Variants in SDK1 observed in about 807,000 individuals in gnomAD.
SDK1 encodes the protein sidekick cell adhesion molecule 1.
A neutral mutation model predicts 245.5 loss-of-function variants in SDK1; 157 were observed. The observed-to-expected ratio is 0.64, with a 90% CI of 0.56 to 0.73. SDK1 has a LOEUF of 0.73. Ranked by LOEUF, SDK1 falls within the 30% of genes least tolerant of loss-of-function variation. SDK1 has a pLI of 0.00. For synonymous variants in SDK1, 1,647 were observed against 1,278.5 expected (o/e 1.29, Z -6.15); for missense variants, 3,583 against 3,002.3 (o/e 1.19, Z -4.52).
At chr7:3,665,690 G>A (rs1375009150) in intron 4 of SDK1, among the ~76,000 whole-genome samples, 1 of 152,172 alleles carries the variant, frequency 6.6e-6, no homozygotes, top group Non-Finnish European at 1.5e-5. Flanking sequence ...AGGACATGTC[G>A]TGCCATTCAT....
In SDK1 at chr7:3,815,484, G is replaced by A. The variant is rs1173100811; in HGVS notation, c.714-5966G>A. 2.7e-5 allele frequency among the ~76,000 whole-genome samples: 4 copies of A among 147,280 alleles called. No individual in the cohort carries two copies. The East Asian group carries it at 6.0e-4, about 22-fold the overall frequency. ...GAAGCCCACTTGATCATGGTGGATA[G>A]GCTTTTTGATGTGCTGCTGGATTCA... is the stretch of plus-strand genomic sequence containing the variant. On this transcript the variant is annotated intron_variant, in intron 4 of 44. Transcript: ENST00000404826.
rs1368669141 is a variant in SDK1, at chr7:3,301,268, G to A, written c.-319G>A. Reference sequence around the variant, plus strand: ...CGGGCGGGCGCACTTTCTTCTCAGCGCCGGGCGGGGGCGGCGGCGGCGGCG... The same window carrying A: ...CGGGCGGGCGCACTTTCTTCTCAGCACCGGGCGGGGGCGGCGGCGGCGGCG... On this transcript the variant is annotated 5_prime_UTR_variant, in exon 1 of 45. Coordinates refer to ENST00000404826, the MANE Select transcript of SDK1 (RefSeq NM_152744.4). Among the ~76,000 whole-genome samples, 2 of 140,920 alleles carry A rather than the reference G, an allele frequency of 1.4e-5. No homozygotes were observed. Among genetic ancestry groups the A allele is most frequent in the Non-Finnish European group, 3.1e-5 (2 of 65,074 alleles). 92.4% of individuals were successfully genotyped at this position (140,920 alleles called of 152,430 possible). A position where few individuals can be genotyped will look rare whatever the true frequency, so the allele number is the denominator to read the frequency against.
intron 2 of SDK1, among the ~76,000 whole-genome samples, chr7:3,638,048 G>C (rs963673036): frequency 6.6e-6 from 1 of 152,232 alleles, no homozygotes; most frequent in African/African-American, 2.4e-5. Flanking sequence ...TTTTGATTGA[G>C]AGGGCTAGTT....
intron 4 of SDK1, among the ~76,000 whole-genome samples, chr7:3,817,875 C>G (rs1276626333): frequency 1.3e-5 from 2 of 152,192 alleles, no homozygotes; most frequent in African/African-American, 4.8e-5. Context: ...CGAGTGCTCA[C>G]TGGAAATGGT....
chr7:3,463,727 T>G (rs1780904042), intron 1 of SDK1, among the ~76,000 whole-genome samples: 1 of 152,236 alleles, frequency 6.6e-6, no homozygotes, highest in Non-Finnish European at 1.5e-5. Context: ...TTTCCCCCTC[T>G]CTGCTGGTCT....
intron 25 of SDK1, among the ~76,000 whole-genome samples, chr7:4,122,188 G>C (rs371983402): frequency 1.3e-5 from 2 of 152,132 alleles, no homozygotes; most frequent in East Asian, 3.9e-4. Flanking sequence ...TCTTCTCTGG[G>C]AATCTCCCCA....
chr7:3,490,376 G>A (rs368157422), intron 1 of SDK1, among the ~76,000 whole-genome samples: 8 of 152,268 alleles, frequency 5.3e-5, no homozygotes, highest in African/African-American at 1.4e-4. Context: ...TTTGAGGAAG[G>A]TGTATGAAAT....
intron 4 of SDK1, among the ~76,000 whole-genome samples, chr7:3,659,322 T>G (rs1783283882): frequency 6.6e-6 from 1 of 152,034 alleles, no homozygotes; most frequent in Non-Finnish European, 1.5e-5. Context: ...TCCAGCCTGG[T>G]AAGGATAAAC....
chr7:3,352,667 GGTTTTACCA>G, intron 1 of SDK1, among the ~76,000 whole-genome samples: 1 of 152,208 alleles, frequency 6.6e-6, no homozygotes, highest in South Asian at 2.1e-4. Context: ...CACTGTTTGG[GGTTTTACCA>G]TTCCTTCCCA....
At chr7:3,776,327 G>C (rs1203423238) in intron 4 of SDK1, among the ~76,000 whole-genome samples, 2 of 152,188 alleles carry the variant, frequency 1.3e-5, no homozygotes, top group Non-Finnish European at 2.9e-5. Flanking sequence ...TTTTTCATAT[G>C]CACTGTACCC....
At chr7:4,169,515 G>A (rs1781703560) in intron 32 of SDK1, among the ~76,000 whole-genome samples, 1 of 152,194 alleles carries the variant, frequency 6.6e-6, no homozygotes, top group African/African-American at 2.4e-5. Context: ...GCCATTCCCT[G>A]CAGTTATCCT....
intron 4 of SDK1, among the ~76,000 whole-genome samples, chr7:3,723,714 G>A (rs1403644710): frequency 1.3e-5 from 2 of 151,066 alleles, no homozygotes; most frequent in South Asian, 2.1e-4. Flanking sequence ...ACATATACAC[G>A]TGTATATACA....
intron 1 of SDK1, among the ~76,000 whole-genome samples, chr7:3,614,553 A>G (rs1433576501): frequency 6.6e-6 from 1 of 152,224 alleles, no homozygotes; most frequent in South Asian, 2.1e-4. Flanking sequence ...TGTAAAGATC[A>G]AATGCTTTTG....
rs557437947 is a variant in SDK1, at chr7:4,102,618, G to A, written c.3325-8045G>A. On this transcript the variant is annotated intron_variant, in intron 22 of 44. Coordinates refer to ENST00000404826, the MANE Select transcript of SDK1 (RefSeq NM_152744.4). Reference sequence around the variant, plus strand: ...TGAGCAGCCATTGACCCTGGCCTCCGGAGTGCTGAGCTCACCATGGCCACC... The same window carrying A: ...TGAGCAGCCATTGACCCTGGCCTCCAGAGTGCTGAGCTCACCATGGCCACC... 1.2e-4 allele frequency among the ~76,000 whole-genome samples: 19 copies of A among 152,236 alleles called. No individual in the cohort carries two copies. The Middle Eastern group carries it at 0.014, about 109-fold the overall frequency.
chr7:3,424,032 C>G (rs11978310), intron 1 of SDK1, among the ~76,000 whole-genome samples: 16,655 of 151,858 alleles, frequency 0.11, 1,235 homozygotes, highest in African/African-American at 0.2. Context: ...CTACCTCAAA[C>G]TCCCAAATAG....
At chr7:4,141,432 C>T (rs2128205051) in intron 28 of SDK1, among the ~76,000 whole-genome samples, 1 of 152,342 alleles carries the variant, frequency 6.6e-6, no homozygotes, top group South Asian at 2.1e-4. Context: ...AGAGATAAAA[C>T]ATGGTGAAAC....
chr7:3,403,022 C>T (rs111587307), intron 1 of SDK1, among the ~76,000 whole-genome samples: 1 of 152,076 alleles, frequency 6.6e-6, no homozygotes, highest in Admixed American at 6.6e-5. Context: ...GCAACCTCTG[C>T]CTCCCGGGTT....
chr7:3,525,987 A>G (rs182666780), intron 1 of SDK1, among the ~76,000 whole-genome samples: 1 of 152,138 alleles, frequency 6.6e-6, no homozygotes, highest in Admixed American at 6.5e-5. Context: ...TAATCTTAGC[A>G]CTTTGGGAGG....
In SDK1 at chr7:3,479,346, C is replaced by T. The variant is rs990988875; in HGVS notation, c.299-139734C>T. 1.3e-4 allele frequency among the ~76,000 whole-genome samples: 19 copies of T among 146,590 alleles called. No homozygotes were observed. In the South Asian group the frequency reaches 1.3e-3, roughly 10 times the overall value. On this transcript the variant is annotated intron_variant, in intron 1 of 44. Coordinates refer to ENST00000404826, the MANE Select transcript of SDK1 (RefSeq NM_152744.4). ...CTGAGGCAGGAGAATCGATTGAACC[C>T]GGGAGGTAGAGGTTGCAGTGAGCCG...
Sources: gnomAD v4.1 joint callset for allele counts (sites outside exome capture counted in the v4.1 genomes callset) on GRCh38, gnomAD v4.1.1 for gene constraint, MANE v1.5 for transcripts, NCBI Gene and HGNC (gene_info 2026-07-23, HGNC 2026-07-21) for gene names.